The following PDE3A variants were observed in gnomAD, a reference collection of about 807,000 sequenced individuals.
PDE3A encodes the protein phosphodiesterase 3A.
A neutral mutation model predicts 98.3 loss-of-function variants in PDE3A; 43 were observed. The ratio of observed to expected loss-of-function variants is 0.44; its 90% CI spans 0.34 to 0.56. The LOEUF (loss-of-function observed/expected upper bound fraction) is 0.56, where lower values mean the gene tolerates loss of function less well. Among genes scored for constraint, PDE3A ranks in the 20% least tolerant of loss-of-function variants. The pLI, the probability that PDE3A is intolerant of heterozygous loss-of-function variation, is 0.01. For missense variants in PDE3A, 1,427 were observed against 1,440.7 expected, an observed-to-expected ratio of 0.99 and a Z score of 0.15; for synonymous variants, 663 against 567.9, an observed-to-expected ratio of 1.17 and a Z score of -2.38.
chr12:20,525,484 G>A (rs1946501614), intron 1 of PDE3A, among the ~76,000 whole-genome samples: 1 of 149,240 alleles, frequency 6.7e-6, no homozygotes, highest in Admixed American at 6.7e-5. Flanking sequence ...GGGGGCTTTT[G>A]ACATCATCTG....
intron 1 of PDE3A, among the ~76,000 whole-genome samples, chr12:20,531,830 T>A (rs1470104961): frequency 6.6e-6 from 1 of 152,216 alleles, no homozygotes; most frequent in African/African-American, 2.4e-5. Flanking sequence ...AATTGAAGAC[T>A]TGGAATTATC....
chr12:20,381,616 G>A (rs1943665585), intron 1 of PDE3A, among the ~76,000 whole-genome samples: 1 of 151,730 alleles, frequency 6.6e-6, no homozygotes, highest in Non-Finnish European at 1.5e-5. Flanking sequence ...TGCTATTCAC[G>A]AACTCTCCTG....
chr12:20,487,044 T>C (rs1209840891), intron 1 of PDE3A, among the ~76,000 whole-genome samples: 1 of 152,216 alleles, frequency 6.6e-6, no homozygotes. Context: ...TTGTTTCTAA[T>C]TATTGAAATA....
intron 1 of PDE3A, among the ~76,000 whole-genome samples, chr12:20,538,385 AAGCT>A (rs984234166): frequency 2.0e-5 from 3 of 152,148 alleles, no homozygotes; most frequent in Non-Finnish European, 2.9e-5. Flanking sequence ...CAAAAGAGAC[AAGCT>A]AGCTGAGTTT....
chr12:20,552,766 T>C lies in PDE3A; in HGVS notation c.961-3894T>C, dbSNP rs1253590780. 2 of 1,613,924 alleles carry C rather than the reference T, an allele frequency of 1.2e-6. No individual in the cohort carries two copies. The highest frequency in any genetic ancestry group is 1.7e-6 in the Non-Finnish European group (2 of 1,179,906). On this transcript the variant is annotated intron_variant, in intron 1 of 15. Transcript: ENST00000359062. This position sits in a 1 kb window ranked among gnomAD's most constrained non-coding sequence, Gnocchi z 5.1. ...GCCGGCGAGCGGCAGCCCGTTCCAG[T>C]TGTTCCTGAGTAAAGTGGAGGAGAC... is the stretch of plus-strand genomic sequence containing the variant.
intron 1 of PDE3A, among the ~76,000 whole-genome samples, chr12:20,509,633 GTTTTA>G (rs1946183421): frequency 6.6e-6 from 1 of 151,904 alleles, no homozygotes; most frequent in South Asian, 2.1e-4. Flanking sequence ...CTACTTTTTT[GTTTTA>G]TAATGTCTAG....
chr12:20,459,940 C>A (rs911929484), intron 1 of PDE3A, among the ~76,000 whole-genome samples: 1 of 152,180 alleles, frequency 6.6e-6, no homozygotes, highest in African/African-American at 2.4e-5. Flanking sequence ...GTGTTTGATA[C>A]TGAGTTGCAG....
At chr12:20,659,132 C>T (rs2121522032) in intron 15 of PDE3A, among the ~76,000 whole-genome samples, 1 of 152,018 alleles carries the variant, frequency 6.6e-6, no homozygotes, top group Non-Finnish European at 1.5e-5. Context: ...AGTTTGAGTC[C>T]ATCTCATGAA....
intron 5 of PDE3A, among the ~76,000 whole-genome samples, chr12:20,629,121 T>C (rs1459412249): frequency 2.0e-5 from 3 of 152,238 alleles, no homozygotes; most frequent in Non-Finnish European, 4.4e-5. Flanking sequence ...GCAGGCTGCC[T>C]TCTCTGTGTT....
intron 1 of PDE3A, chr12:20,450,127 C>A: frequency 2.3e-6 from 1 of 427,748 alleles, no homozygotes; most frequent in East Asian, 4.8e-5. Context: ...CAGAATGCAT[C>A]GCAGCCCAAC....
At chr12:20,571,241 G>A (rs538372166) in intron 2 of PDE3A, among the ~76,000 whole-genome samples, 16 of 152,234 alleles carry the variant, frequency 1.1e-4, no homozygotes, top group African/African-American at 3.1e-4. Context: ...AAGATAATGA[G>A]AATAATGTTT....
intron 1 of PDE3A, among the ~76,000 whole-genome samples, chr12:20,407,213 T>G (rs6487082): frequency 1 from 152,196 of 152,322 alleles, 76,035 homozygotes; most frequent in Middle Eastern, 1. Context: ...ATTTAATGGG[T>G]ACAATATTTC....
chr12:20,491,165 T>A (rs1414997720), intron 1 of PDE3A, among the ~76,000 whole-genome samples: 3 of 152,154 alleles, frequency 2.0e-5, no homozygotes, highest in Non-Finnish European at 4.4e-5. Context: ...CAATTTCCCA[T>A]CAAAATGGCA....
At chr12:20,545,181 A>G (rs1942017953) in intron 1 of PDE3A, among the ~76,000 whole-genome samples, 1 of 152,080 alleles carries the variant, frequency 6.6e-6, no homozygotes, top group Admixed American at 6.6e-5. Flanking sequence ...AAATAATGGA[A>G]GCTTTGTAAG....
chr12:20,581,429 TGCTTCACA>T (rs1336481522), intron 2 of PDE3A, among the ~76,000 whole-genome samples: 3 of 152,170 alleles, frequency 2.0e-5, no homozygotes, highest in African/African-American at 7.2e-5. Flanking sequence ...ACAGAGAACA[TGCTTCACA>T]GCTTAGAACC....
In PDE3A at chr12:20,613,623, G is replaced by A. The variant is rs763313948; in HGVS notation, c.1192G>A (p.Val398Ile). The change falls in exon 3 of 16, where the codon GTC (valine) becomes ATC (isoleucine). Residue 398 changes from valine to isoleucine, a missense_variant. Around this residue, in one of 3 missense-constraint regions of PDE3A, gnomAD observed 1,012 missense variants for 886.5 expected, o/e 1.14. Transcript: ENST00000359062. ...CATTCACAAGCCCAGAGTGAATCCC[G>A]TCACTTCGCTCAGTGAAAACTATAC... ...QAIHKPRVNP[V>I]TSLSENYTCS... 5.6e-6 allele frequency: 9 copies of A among 1,613,148 alleles called. No homozygotes were observed. Among genetic ancestry groups the A allele is most frequent in the African/African-American group, 2.7e-5 (2 of 74,910 alleles).
intron 15 of PDE3A, among the ~76,000 whole-genome samples, chr12:20,669,573 C>T (rs1003471893): frequency 6.6e-6 from 1 of 151,970 alleles, no homozygotes; most frequent in Admixed American, 6.6e-5. Context: ...GAATTTCCAA[C>T]CCAGAATTTC....
intron 1 of PDE3A, among the ~76,000 whole-genome samples, chr12:20,430,518 T>G (rs1944677983): frequency 6.6e-6 from 1 of 152,204 alleles, no homozygotes; most frequent in African/African-American, 2.4e-5. Context: ...TCTTTTGTTT[T>G]AGAGATGAAT....
At chr12:20,640,975 G>A (rs1944633162) in intron 10 of PDE3A, among the ~76,000 whole-genome samples, 1 of 151,970 alleles carries the variant, frequency 6.6e-6, no homozygotes, top group Non-Finnish European at 1.5e-5. Flanking sequence ...AGACTTCAGA[G>A]TCCCATAACT....
Sources: gnomAD v4.1 joint callset for allele counts (sites outside exome capture counted in the v4.1 genomes callset) on GRCh38, gnomAD v4.1.1 for gene constraint, gnomAD v4.1.1 regional missense constraint, Gnocchi (gnomAD v3.1) non-coding constraint, MANE v1.5 for transcripts, NCBI Gene and HGNC (gene_info 2026-07-23, HGNC 2026-07-21) for gene names.